SUGCT: variants seen among roughly 807,000 people sequenced by gnomAD.
SUGCT encodes succinyl-CoA:glutarate-CoA transferase.
In SUGCT, 41 loss-of-function variants were observed where a neutral mutation model predicts 55.0. The ratio of observed to expected loss-of-function variants is 0.74; its 90% CI spans 0.58 to 0.97. The LOEUF (loss-of-function observed/expected upper bound fraction) is 0.97. Among genes scored for constraint, SUGCT ranks in the 50% least tolerant of loss-of-function variants. The pLI is 0.00. For missense variants in SUGCT, 568 were observed against 547.8 expected (o/e 1.04, Z -0.37); for synonymous variants, 187 against 200.4 (o/e 0.93, Z 0.56).
chr7:40,902,579 C>A, the SUGCT span, among the ~76,000 whole-genome samples: 256 of 123,700 alleles, frequency 2.1e-3, no homozygotes, highest in Middle Eastern at 4.1e-3. Flanking sequence ...GACTCCATCT[C>A]AAAAAAAAAA....
intron 1 of SUGCT, among the ~76,000 whole-genome samples, chr7:40,149,506 G>C (rs1323689357): frequency 2.6e-5 from 4 of 152,140 alleles, no homozygotes; most frequent in Non-Finnish European, 2.9e-5. Context: ...TTATACTTTA[G>C]GGCTGGGCGC....
intron 6 of SUGCT, chr7:40,217,321 C>T (rs1450610121): frequency 8.6e-6 from 3 of 348,722 alleles, no homozygotes; most frequent in Non-Finnish European, 1.7e-5. Flanking sequence ...AGTGATCCTC[C>T]CACCTCAGCT....
chr7:40,885,091 G>C, the SUGCT span, among the ~76,000 whole-genome samples: 6 of 152,150 alleles, frequency 3.9e-5, no homozygotes, highest in Admixed American at 1.3e-4. Context: ...ATAATTCAAT[G>C]ACACTAAAGA....
At chr7:40,445,060 C>T (rs943069928) in intron 9 of SUGCT, among the ~76,000 whole-genome samples, 2 of 152,034 alleles carry the variant, frequency 1.3e-5, no homozygotes, top group African/African-American at 4.8e-5. Context: ...AGCCTTGCAT[C>T]CCAGGGATGA....
chr7:40,523,381 T>G (rs1370333407), intron 12 of SUGCT, among the ~76,000 whole-genome samples: 2 of 152,080 alleles, frequency 1.3e-5, no homozygotes, highest in African/African-American at 4.8e-5. Context: ...CTTAAGAATT[T>G]TAATATGTAA....
chr7:40,788,442 A>C (rs943604434), intron 13 of SUGCT, among the ~76,000 whole-genome samples: 2 of 152,238 alleles, frequency 1.3e-5, no homozygotes, highest in African/African-American at 2.4e-5. Flanking sequence ...CAAAAGTTTT[A>C]AGGCAGCCAT....
At chr7:40,707,773 T>C (rs1422414366) in intron 12 of SUGCT, among the ~76,000 whole-genome samples, 1 of 152,252 alleles carries the variant, frequency 6.6e-6, no homozygotes. Flanking sequence ...GGAATCTCCA[T>C]GGATGTAAGC....
intron 13 of SUGCT, among the ~76,000 whole-genome samples, chr7:40,853,180 CG>C (rs1793942659): frequency 6.6e-6 from 1 of 151,630 alleles, no homozygotes; most frequent in Admixed American, 6.6e-5. Flanking sequence ...ATCTTGGCAC[CG>C]GGATAGATAC....
intron 1 of SUGCT, among the ~76,000 whole-genome samples, chr7:40,137,002 C>G (rs575036446): frequency 1.6e-4 from 25 of 152,002 alleles, no homozygotes; most frequent in African/African-American, 4.8e-4. Context: ...CATGCCCCCC[C>G]ACCCCACTGG....
chr7:40,932,414 G>A, the SUGCT span, among the ~76,000 whole-genome samples: 1 of 152,176 alleles, frequency 6.6e-6, no homozygotes, highest in Admixed American at 6.5e-5. Context: ...ATTTTGGTTG[G>A]AGAGTTCTGT....
intron 11 of SUGCT, among the ~76,000 whole-genome samples, chr7:40,494,359 A>G (rs1791859862): frequency 6.6e-6 from 1 of 152,218 alleles, no homozygotes; most frequent in Non-Finnish European, 1.5e-5. Context: ...CATTTTGATG[A>G]TATTTATCTA....
At chr7:40,230,483 A>T (rs942237420) in intron 6 of SUGCT, among the ~76,000 whole-genome samples, 1 of 152,244 alleles carries the variant, frequency 6.6e-6, no homozygotes, top group African/African-American at 2.4e-5. Flanking sequence ...TTGTAGCCAC[A>T]TGAAGAATAA....
chr7:41,034,923 C>T, the SUGCT span, among the ~76,000 whole-genome samples: 1 of 152,192 alleles, frequency 6.6e-6, no homozygotes, highest in Non-Finnish European at 1.5e-5. Flanking sequence ...CGTGGTTCTG[C>T]TCCAGCTGCC....
At chr7:40,559,213 C>T (rs1008197443) in intron 12 of SUGCT, among the ~76,000 whole-genome samples, 1 of 152,174 alleles carries the variant, frequency 6.6e-6, no homozygotes, top group Admixed American at 6.6e-5. Flanking sequence ...TGGTCTCCAG[C>T]CAGATGCTCC....
intron 13 of SUGCT, among the ~76,000 whole-genome samples, chr7:40,772,543 TATC>T (rs1789190058): frequency 4.0e-5 from 6 of 150,324 alleles, no homozygotes; most frequent in South Asian, 2.1e-4. Flanking sequence ...TCTATCTATC[TATC>T]TATCTATCTA....
chr7:40,566,946 T>C (rs1167489679), intron 12 of SUGCT, among the ~76,000 whole-genome samples: 1 of 152,256 alleles, frequency 6.6e-6, no homozygotes, highest in East Asian at 1.9e-4. Flanking sequence ...ATTGCTGTTA[T>C]GTTCAACTGT....
At chr7:40,636,412 G>A (rs1338717946) in intron 12 of SUGCT, among the ~76,000 whole-genome samples, 1 of 152,120 alleles carries the variant, frequency 6.6e-6, no homozygotes, top group Non-Finnish European at 1.5e-5. Flanking sequence ...GCCTCTGTCT[G>A]AGCCTGCAAT....
chr7:40,661,010 C>T (rs969859688), intron 12 of SUGCT, among the ~76,000 whole-genome samples: 3 of 152,138 alleles, frequency 2.0e-5, no homozygotes, highest in African/African-American at 7.2e-5. Flanking sequence ...TATTTGTGCT[C>T]TTGAACAATG....
At chr7:40,678,328 T>G (rs1784096878) in intron 12 of SUGCT, among the ~76,000 whole-genome samples, 1 of 152,100 alleles carries the variant, frequency 6.6e-6, no homozygotes, top group Admixed American at 6.6e-5. Context: ...ATAGTAACAT[T>G]TTTACAGCTT....
Sources: gnomAD v4.1 joint callset for allele counts (sites outside exome capture counted in the v4.1 genomes callset) on GRCh38, gnomAD v4.1.1 for gene constraint, MANE v1.5 for transcripts, NCBI Gene and HGNC (gene_info 2026-07-23, HGNC 2026-07-21) for gene names.